The following CYRIA variants were observed in gnomAD, a reference collection of about 807,000 sequenced individuals.
CYRIA encodes the protein CYFIP related Rac1 interactor A, also known as CYFIP-related Rac1 interactor A.
CYRIA carries 15 observed loss-of-function variants against 43.9 expected under a neutral mutation model. The ratio of observed to expected loss-of-function variants is 0.34; its 90% CI spans 0.23 to 0.53. The LOEUF (loss-of-function observed/expected upper bound fraction) is 0.53, where lower values mean the gene tolerates loss of function less well. Ranked by LOEUF, CYRIA falls within the 20% of genes least tolerant of loss-of-function variation. The probability of loss-of-function intolerance (pLI) is 0.94; values close to 1 mark genes in which losing one functional copy is unlikely to be tolerated. For missense variants in CYRIA, 236 were observed against 394.2 expected, an observed-to-expected ratio of 0.60 and a Z score of 3.40; for synonymous variants, 117 against 136.0, an observed-to-expected ratio of 0.86 and a Z score of 0.97.
Position 16,553,336 on chromosome 2 carries a change from A to G in CYRIA, c.909-337T>C, listed in dbSNP as rs536805772. ...CCCCTGCTAACTCACAAATTTCAGA[A>G]TAGAGATTTGCATAGCAACATTGCC... On this transcript the variant is annotated intron_variant, in intron 11 of 11. Transcript: ENST00000381323. 5.9e-5 allele frequency among the ~76,000 whole-genome samples: 9 copies of G among 152,240 alleles called. No homozygotes were observed. The South Asian group carries it at 1.9e-3, about 32-fold the overall frequency.
intron 10 of CYRIA, among the ~76,000 whole-genome samples, chr2:16,557,678 T>C (rs1666574723): frequency 1.3e-5 from 2 of 152,128 alleles, no homozygotes; most frequent in African/African-American, 2.4e-5. Context: ...GCAAACTTCA[T>C]CAAGACTATG....
At chr2:16,578,034 C>T (rs1667412720) in intron 3 of CYRIA, among the ~76,000 whole-genome samples, 1 of 152,196 alleles carries the variant, frequency 6.6e-6, no homozygotes, top group South Asian at 2.1e-4. Flanking sequence ...CTGGTGAGGC[C>T]AAGGAGGTTG....
intron 1 of CYRIA, among the ~76,000 whole-genome samples, chr2:16,638,515 G>A (rs897934891): frequency 6.6e-6 from 1 of 152,152 alleles, no homozygotes; most frequent in African/African-American, 2.4e-5. Context: ...TTCAGGCACA[G>A]AGCACGGGCC....
rs1355450214 is a variant in CYRIA at position 16,562,086 on chromosome 2, G to C, written c.354C>G (p.Thr118=). 2 of 1,613,526 alleles carry C rather than the reference G, an allele frequency of 1.2e-6. No individual in the cohort carries two copies. The highest frequency in any genetic ancestry group is 4.5e-5 in the East Asian group (2 of 44,852). The part of the protein sequence containing the change: ...ESLTCPPYTP[T]QHLEREQALA... Reference sequence around the variant, plus strand: ...GGGCCTGTTCCCTTTCCAGGTGTTGGGTTGGTGTGTAGGGTGGACAAGTCA... The same window carrying C: ...GGGCCTGTTCCCTTTCCAGGTGTTGCGTTGGTGTGTAGGGTGGACAAGTCA... Residue 118 remains threonine, a synonymous_variant, in exon 6 of 12, where the codon ACC becomes ACG. Coordinates refer to ENST00000381323, the MANE Select transcript of CYRIA (RefSeq NM_030797.4).
intron 11 of CYRIA, among the ~76,000 whole-genome samples, chr2:16,553,436 C>G (rs540045213): frequency 6.6e-6 from 1 of 152,220 alleles, no homozygotes; most frequent in South Asian, 2.1e-4. Flanking sequence ...CAAGGGGGCA[C>G]AAATGCTGGT....
intron 2 of CYRIA, among the ~76,000 whole-genome samples, chr2:16,588,543 C>T (rs985782462): frequency 1.5e-4 from 23 of 152,092 alleles, no homozygotes; most frequent in African/African-American, 5.6e-4. Flanking sequence ...TCCTAATCCC[C>T]TGGATCCTTA....
At chr2:16,578,064 T>C (rs1219205413) in intron 3 of CYRIA, among the ~76,000 whole-genome samples, 3 of 152,178 alleles carry the variant, frequency 2.0e-5, no homozygotes, top group Non-Finnish European at 2.9e-5. Flanking sequence ...ATCCTGAGAA[T>C]CAGGTGTTCT....
At chr2:16,577,050 G>C (rs1253190461) in intron 3 of CYRIA, among the ~76,000 whole-genome samples, 1 of 152,088 alleles carries the variant, frequency 6.6e-6, no homozygotes, top group African/African-American at 2.4e-5. Context: ...TGGGTATAAA[G>C]TTTCCATTAT....
chr2:16,642,932 CT>C (rs1442167093), intron 1 of CYRIA, among the ~76,000 whole-genome samples: 1 of 151,652 alleles, frequency 6.6e-6, no homozygotes, highest in East Asian at 1.9e-4. Context: ...TCCCATTGAC[CT>C]TTTGACCTTC....
At chr2:16,553,386 C>T (rs1052065685) in intron 11 of CYRIA, among the ~76,000 whole-genome samples, 1 of 152,076 alleles carries the variant, frequency 6.6e-6, no homozygotes, top group Non-Finnish European at 1.5e-5. Flanking sequence ...TTATGGTTCT[C>T]CACTTTCCTG....
At chr2:16,574,782 G>C (rs753744682) in intron 3 of CYRIA, among the ~76,000 whole-genome samples, 20 of 152,218 alleles carry the variant, frequency 1.3e-4, no homozygotes, top group Non-Finnish European at 2.5e-4. Flanking sequence ...AAAATGCCTG[G>C]ATGTCCAGGC....
At chr2:16,609,486 C>A (rs1442406312) in intron 2 of CYRIA, among the ~76,000 whole-genome samples, 1 of 152,168 alleles carries the variant, frequency 6.6e-6, no homozygotes, top group African/African-American at 2.4e-5. Flanking sequence ...ACCACGGGAC[C>A]CTTGCACTTG....
In CYRIA at chr2:16,576,351, T is replaced by C. The variant is rs74899655; in HGVS notation, c.71-10584A>G. Among the ~76,000 whole-genome samples the C allele has an allele frequency of 2.9e-3, 449 of 152,258 alleles. 5 individuals are homozygous for C. In the East Asian group the frequency reaches 0.043, roughly 15 times the overall value. ...TATCAGTAACAATTTAGTAAAACAGTATAATAAAAGTCATCATGCAGTGAG... is the reference window on the plus strand; with the variant it reads ...TATCAGTAACAATTTAGTAAAACAGCATAATAAAAGTCATCATGCAGTGAG... On this transcript the variant is annotated intron_variant, in intron 3 of 11. Transcript: ENST00000381323.
intron 10 of CYRIA, among the ~76,000 whole-genome samples, chr2:16,559,120 A>G (rs577225241): frequency 2.0e-5 from 3 of 152,154 alleles, no homozygotes; most frequent in Non-Finnish European, 4.4e-5. Context: ...AACTCTTCAC[A>G]ATAGGACACA....
intron 1 of CYRIA, among the ~76,000 whole-genome samples, chr2:16,632,952 G>C (rs184637173): frequency 1.3e-5 from 2 of 152,138 alleles, no homozygotes; most frequent in African/African-American, 2.4e-5. Context: ...GCTGCAGGAG[G>C]GGGGTGCACA....
At chr2:16,647,011 C>T (rs538919027) in intron 1 of CYRIA, among the ~76,000 whole-genome samples, 1 of 152,316 alleles carries the variant, frequency 6.6e-6, no homozygotes, top group South Asian at 2.1e-4. Flanking sequence ...GATCTTGGGA[C>T]ATCTGAGCCC....
intron 3 of CYRIA, among the ~76,000 whole-genome samples, chr2:16,587,463 C>T (rs992811368): frequency 6.6e-6 from 1 of 151,892 alleles, no homozygotes; most frequent in Non-Finnish European, 1.5e-5. Context: ...TTGATCACTT[C>T]TAAAATCAAA....
intron 1 of CYRIA, among the ~76,000 whole-genome samples, chr2:16,648,634 A>T (rs1251404697): frequency 6.6e-6 from 1 of 152,220 alleles, no homozygotes; most frequent in African/African-American, 2.4e-5. Context: ...GCTGTTTTCT[A>T]ATCTTAAATA....
intron 1 of CYRIA, among the ~76,000 whole-genome samples, chr2:16,629,839 G>A (rs1669275770): frequency 6.6e-6 from 1 of 150,674 alleles, no homozygotes; most frequent in Admixed American, 6.7e-5. Context: ...CACAACAGCT[G>A]TGATTATGAC....
Sources: allele counts gnomAD v4.1 joint callset (sites outside exome capture counted in the v4.1 genomes callset), GRCh38; gene constraint gnomAD v4.1.1; transcripts MANE v1.5; gene names NCBI Gene and HGNC (gene_info 2026-07-23, HGNC 2026-07-21).